SVIL: variants seen among roughly 807,000 people sequenced by gnomAD.
SVIL encodes supervillin, also known as archvillin.
Under a neutral mutation model 240.4 loss-of-function variants are expected in SVIL, and 101 were observed. The observed-to-expected ratio is 0.42, with a 90% CI of 0.36 to 0.50. The LOEUF (loss-of-function observed/expected upper bound fraction) is 0.50. Among genes scored for constraint, SVIL ranks in the 20% least tolerant of loss-of-function variants. SVIL has a pLI of 0.01. For missense variants in SVIL, 2,512 were observed against 2,818.7 expected (o/e 0.89, Z 2.46); for synonymous variants, 999 against 1,100.0 (o/e 0.91, Z 1.82).
intron 2 of SVIL, among the ~76,000 whole-genome samples, chr10:29,684,965 A>G (rs1199640404): frequency 5.9e-5 from 9 of 151,980 alleles, no homozygotes; most frequent in African/African-American, 2.2e-4. Context: ...GTGCAGGTTT[A>G]TTACGTAGGT....
intron 1 of SVIL, among the ~76,000 whole-genome samples, chr10:29,692,652 T>A (rs1021622247): frequency 2.0e-5 from 3 of 149,594 alleles, no homozygotes; most frequent in African/African-American, 7.3e-5. Context: ...ATGATATATA[T>A]ATAAAAATAT....
chr10:29,733,016 C>T (rs112346157), intron 1 of SVIL, among the ~76,000 whole-genome samples: 12 of 152,240 alleles, frequency 7.9e-5, no homozygotes, highest in Admixed American at 2.6e-4. Flanking sequence ...ACTCCTTGGG[C>T]GACTGGACCA....
At chr10:29,640,762 C>G (rs1333348555) in intron 3 of SVIL, among the ~76,000 whole-genome samples, 2 of 152,206 alleles carry the variant, frequency 1.3e-5, no homozygotes, top group Non-Finnish European at 2.9e-5. Context: ...CTTCCTCTCT[C>G]CTTCCACCCC....
intron 2 of SVIL, among the ~76,000 whole-genome samples, chr10:29,669,007 G>C (rs762826081): frequency 1.3e-5 from 2 of 152,164 alleles, no homozygotes; most frequent in Non-Finnish European, 1.5e-5. Flanking sequence ...CAATGTCCCT[G>C]TCTCTATGGA....
Position 29,523,739 on chromosome 10 carries a change from G to A in SVIL, c.2875C>T (p.Arg959Ter). ...ETESKRALTGRDSGMEKYGSF... is the reference protein window; with the variant it reads ...ETESKRALTG The stretch of plus-strand genomic sequence containing the variant: ...CCATACTTCTCCATCCCACTGTCTC[G>A]ACCTGTCAAAGCTCTCTTGCTTTCT... The change falls in exon 15 of 38, where the codon CGA becomes TGA. Residue 959 changes from arginine (R) to a stop codon, truncating the protein, a stop_gained. Coordinates refer to ENST00000355867, the MANE Select transcript of SVIL (RefSeq NM_021738.3). LOFTEE classifies it high-confidence loss of function. 1 of 1,614,082 alleles carries A rather than the reference G, an allele frequency of 6.2e-7. No individual in the cohort carries two copies. The highest frequency in any genetic ancestry group is 8.5e-7 in the Non-Finnish European group (1 of 1,180,012).
At chr10:29,717,190 G>A (rs189087502) in intron 1 of SVIL, among the ~76,000 whole-genome samples, 143 of 119,688 alleles carry the variant, frequency 1.2e-3, no homozygotes, top group Admixed American at 2.6e-3. Context: ...CCGAGATCAC[G>A]CCACTGCACT....
At chr10:29,562,628 G>A (rs1346175175) in intron 3 of SVIL, among the ~76,000 whole-genome samples, 4 of 152,152 alleles carry the variant, frequency 2.6e-5, no homozygotes, top group Admixed American at 2.6e-4. Flanking sequence ...GGGCGTGGTG[G>A]TGGGCGCCTG....
intron 16 of SVIL, among the ~76,000 whole-genome samples, chr10:29,521,405 A>C (rs1950555777): frequency 6.6e-6 from 1 of 152,130 alleles, no homozygotes; most frequent in Non-Finnish European, 1.5e-5. Flanking sequence ...GAACTGTGGG[A>C]ACAGGCGATG....
At chr10:29,486,586 G>A in intron 24 of SVIL, 29 bp from the exon 25 acceptor site, 2 of 1,613,672 alleles carry the variant, frequency 1.2e-6, no homozygotes, top group Non-Finnish European at 1.7e-6. Flanking sequence ...CAATTGCCTG[G>A]GTAGAAAAGC....
intron 6 of SVIL, among the ~76,000 whole-genome samples, chr10:29,546,678 A>G (rs1188575113): frequency 6.6e-6 from 1 of 152,218 alleles, no homozygotes; most frequent in Non-Finnish European, 1.5e-5. Flanking sequence ...AAAACTGAGC[A>G]TTGGAGATGG....
At position 29,487,307 on chromosome 10, in the gene SVIL, C is replaced by A; in HGVS notation, c.4349-8G>T. ...TCTGCACATGTCTTCTTCCTGAACA[C>A]GAGGCAGACAGTCACCGTCTTTCCA... is the stretch of plus-strand genomic sequence containing the variant. On this transcript the variant is annotated splice_polypyrimidine_tract_variant and splice_region_variant and intron_variant, in intron 23 of 37. Transcript: ENST00000355867. 1.2e-6 allele frequency: 2 copies of A among 1,613,958 alleles called. No homozygotes were observed. The highest frequency in any genetic ancestry group is 1.7e-6 in the Non-Finnish European group (2 of 1,179,922).
rs66523560 is a variant in SVIL at position 29,529,175 on chromosome 10, CAAAAA to C, written c.2246+525_2246+529del. 1.7e-4 allele frequency among the ~76,000 whole-genome samples: 11 copies of C among 66,054 alleles called. No individual in the cohort carries two copies. The East Asian group carries it at 8.2e-3, about 49-fold the overall frequency. 43.3% of individuals were successfully genotyped at this position (66,054 alleles called of 152,430 possible). On this transcript the variant is annotated intron_variant, in intron 12 of 37. Coordinates refer to ENST00000355867, the MANE Select transcript of SVIL (RefSeq NM_021738.3). The stretch of plus-strand genomic sequence containing the variant: ...TGGGTGACAGAGCAAGACTCTCTCT[CAAAAA>C]AAAAAAAAAAAAAAAAAAAAAAAGA...
At chr10:29,547,236 G>A (rs1952777095) in intron 6 of SVIL, among the ~76,000 whole-genome samples, 1 of 152,138 alleles carries the variant, frequency 6.6e-6, no homozygotes, top group South Asian at 2.1e-4. Flanking sequence ...AATCACTGCT[G>A]TCATTACAAT....
chr10:29,704,317 T>A lies in SVIL; in HGVS notation c.-399-17666A>T, dbSNP rs549124563. Among the ~76,000 whole-genome samples the A allele has an allele frequency of 3.3e-5, 5 of 152,350 alleles. 1 individual carries two copies. In the South Asian group the frequency reaches 1.0e-3, roughly 32 times the overall value. The stretch of plus-strand genomic sequence containing the variant: ...TGTGTATGTGTGTTCACCGAGGAAC[T>A]GAGCATGCACCAAACTGTGCCACAA... On this transcript the variant is annotated intron_variant, in intron 1 of 35. Coordinates refer to the SVIL transcript ENST00000375400.
intron 3 of SVIL, chr10:29,643,860 T>A (rs1958569447): frequency 2.4e-6 from 1 of 411,476 alleles, no homozygotes; most frequent in African/African-American, 2.1e-5. Context: ...GTAGCAGAGC[T>A]CAACACAAAG....
chr10:29,604,752 A>G (rs1001363628), intron 1 of SVIL, among the ~76,000 whole-genome samples: 2 of 151,956 alleles, frequency 1.3e-5, no homozygotes, highest in Non-Finnish European at 2.9e-5. Context: ...AAATTTTTGT[A>G]AAGATAGGGT....
chr10:29,527,660 C>T (rs957483932), intron 12 of SVIL, among the ~76,000 whole-genome samples: 6 of 149,528 alleles, frequency 4.0e-5, no homozygotes, highest in African/African-American at 1.5e-4. Context: ...CTCTTGACCT[C>T]GTGATCCACC....
intron 1 of SVIL, among the ~76,000 whole-genome samples, chr10:29,693,121 C>G (rs1308534494): frequency 1.3e-5 from 2 of 152,174 alleles, no homozygotes; most frequent in Non-Finnish European, 2.9e-5. Flanking sequence ...ACCTAACCCT[C>G]ATCATAATCC....
Position 29,532,601 on chromosome 10 carries a change from T to C in SVIL, c.1766A>G (p.Asp589Gly). The change falls in exon 8 of 38, where the codon GAC (aspartate) becomes GGC (glycine). Residue 589 changes from aspartate (D) to glycine (G), a missense_variant. Physicochemically the swap from Asp to Gly is moderately conservative, Grantham distance 94. This residue lies in a region of SVIL where 1,443 missense variants were observed against 1,486.6 expected (regional missense o/e 0.97). Coordinates refer to ENST00000355867, the MANE Select transcript of SVIL (RefSeq NM_021738.3). ...EGPYGEISMLDTKVSVAQLRS... is the reference protein window; with the variant it reads ...EGPYGEISMLGTKVSVAQLRS... ...GAGCTGGGCGACAGAGACTTTTGTG[T>C]CCAGCATGCTGATCTCCCCATAAGG... The C allele has an allele frequency of 5.6e-6, 9 of 1,614,072 alleles. No homozygotes were observed. The highest frequency in any genetic ancestry group is 6.8e-6 in the Non-Finnish European group (8 of 1,179,926).
Sources: allele counts gnomAD v4.1 joint callset (sites outside exome capture counted in the v4.1 genomes callset), GRCh38; gene constraint gnomAD v4.1.1; regional missense constraint gnomAD v4.1.1; transcripts MANE v1.5; gene names NCBI Gene and HGNC (gene_info 2026-07-23, HGNC 2026-07-21).